Variants in MECOM observed in about 807,000 individuals in gnomAD.
MECOM encodes the protein histone-lysine N-methyltransferase MECOM.
In MECOM, 13 loss-of-function variants were observed where a neutral mutation model predicts 116.3. The ratio of observed to expected loss-of-function variants is 0.11; its 90% CI spans 0.07 to 0.18. The LOEUF (loss-of-function observed/expected upper bound fraction) is 0.18, where lower values mean the gene tolerates loss of function less well. Ranked by LOEUF, MECOM falls within the 10% of genes least tolerant of loss-of-function variation. MECOM has a pLI of 1.00. For synonymous variants in MECOM, 528 were observed against 535.2 expected (o/e 0.99, Z 0.19); for missense variants, 1,299 against 1,509.0 (o/e 0.86, Z 2.31).
chr3:169,158,715 T>G (rs753312560), intron 2 of MECOM, among the ~76,000 whole-genome samples: 7 of 152,208 alleles, frequency 4.6e-5, no homozygotes, highest in Non-Finnish European at 7.4e-5. Flanking sequence ...TACTTGATTT[T>G]CAATTACCTG....
At chr3:169,590,640 C>A (rs1577019737) in intron 1 of MECOM, among the ~76,000 whole-genome samples, 1 of 152,204 alleles carries the variant, frequency 6.6e-6, no homozygotes, top group Non-Finnish European at 1.5e-5. Context: ...TTTCATTTAA[C>A]CTTCTCAACA....
At chr3:169,351,056 C>G (rs976845184) in intron 2 of MECOM, among the ~76,000 whole-genome samples, 1 of 151,706 alleles carries the variant, frequency 6.6e-6, no homozygotes, top group African/African-American at 2.4e-5. Context: ...CTAACTAATC[C>G]GATTTACATT....
chr3:169,514,976 A>G (rs1017448494), intron 1 of MECOM, among the ~76,000 whole-genome samples: 2 of 152,246 alleles, frequency 1.3e-5, no homozygotes, highest in African/African-American at 4.8e-5. Context: ...CGGTAGACAC[A>G]GTACTGGATA....
intron 1 of MECOM, chr3:169,463,981 T>C (rs1747869622): frequency 6.6e-6 from 1 of 152,164 alleles, no homozygotes; most frequent in Non-Finnish European, 1.5e-5. Context: ...TCCTCCTTAA[T>C]CTGCGAAGTT....
chr3:169,486,230 C>T (rs1752372014), intron 1 of MECOM, among the ~76,000 whole-genome samples: 1 of 151,480 alleles, frequency 6.6e-6, no homozygotes, highest in Admixed American at 6.6e-5. Context: ...CACTTCTCCA[C>T]AATGCCTAAG....
intron 2 of MECOM, among the ~76,000 whole-genome samples, chr3:169,212,636 GTATA>G (rs61115570): frequency 0.014 from 354 of 25,826 alleles, 1 homozygote; most frequent in Admixed American, 0.025. Flanking sequence ...AGTCAGCAAT[GTATA>G]TATATATATA....
chr3:169,196,727 A>T (rs1380461563), intron 2 of MECOM, among the ~76,000 whole-genome samples: 1 of 152,094 alleles, frequency 6.6e-6, no homozygotes, highest in African/African-American at 2.4e-5. Flanking sequence ...AATCCAAATT[A>T]GTTCAGCCAT....
intron 1 of MECOM, among the ~76,000 whole-genome samples, chr3:169,584,531 C>T (rs935003719): frequency 6.8e-6 from 1 of 146,364 alleles, no homozygotes; most frequent in African/African-American, 2.6e-5. Flanking sequence ...CGCCGCTGCA[C>T]TCCAGCCTGG....
rs916790905 is a variant in MECOM at position 169,504,110 on chromosome 3, A to T, written c.38-122586T>A. Among the ~76,000 whole-genome samples the T allele has an allele frequency of 6.0e-5, 9 of 151,056 alleles. No individual in the cohort carries two copies. The South Asian group carries it at 1.7e-3, about 28-fold the overall frequency. On this transcript the variant is annotated intron_variant, in intron 1 of 16. Coordinates refer to ENST00000651503, the MANE Select transcript of MECOM (RefSeq NM_004991.4). ...ACACTTTGTTCAAGATGTCTCAGGG[A>T]AAAGGTGACTTCTGCTCTCAAAAAA...
At chr3:169,189,425 G>A (rs1175896069) in intron 2 of MECOM, among the ~76,000 whole-genome samples, 1 of 151,924 alleles carries the variant, frequency 6.6e-6, no homozygotes, top group South Asian at 2.1e-4. Flanking sequence ...ATCCTTTGGG[G>A]CTCTGCTGTA....
chr3:169,086,573 A>G (rs1183508236), intron 16 of MECOM: 7 of 701,498 alleles, frequency 1.0e-5, no homozygotes, highest in East Asian at 2.7e-5. Context: ...CTCCTATAAA[A>G]CAGATGATAG....
intron 1 of MECOM, among the ~76,000 whole-genome samples, chr3:169,452,200 A>C (rs1445446577): frequency 5.3e-5 from 8 of 152,052 alleles, no homozygotes; most frequent in Non-Finnish European, 1.2e-4. Context: ...AGCTTGGTAG[A>C]CTGGCAGAGC....
chr3:169,644,314 T>G (rs6444871), intron 1 of MECOM, among the ~76,000 whole-genome samples: 27,291 of 151,874 alleles, frequency 0.18, 6,352 homozygotes, highest in African/African-American at 0.54. Flanking sequence ...TGGAGGGCAG[T>G]GGTACAATCT....
intron 2 of MECOM, among the ~76,000 whole-genome samples, chr3:169,221,727 T>C (rs1006916649): frequency 2.0e-5 from 3 of 152,038 alleles, no homozygotes; most frequent in African/African-American, 4.8e-5. Context: ...ACTGGTAAAA[T>C]AGAAAAAAAA....
chr3:169,251,733 G>A (rs573419216), intron 2 of MECOM, among the ~76,000 whole-genome samples: 4 of 152,136 alleles, frequency 2.6e-5, no homozygotes, highest in Non-Finnish European at 5.9e-5. Context: ...TGGAATATGT[G>A]TATAATTAAA....
intron 2 of MECOM, among the ~76,000 whole-genome samples, chr3:169,247,476 G>T (rs1465880998): frequency 6.6e-6 from 1 of 152,096 alleles, no homozygotes; most frequent in Non-Finnish European, 1.5e-5. Context: ...GGCTAATTTT[G>T]TATTTTTAGT....
intron 2 of MECOM, among the ~76,000 whole-genome samples, chr3:169,294,706 A>G (rs541984293): frequency 2.2e-4 from 34 of 152,300 alleles, no homozygotes; most frequent in Non-Finnish European, 4.7e-4. Flanking sequence ...TTATTGGACA[A>G]TGATGAATCT....
chr3:169,537,948 A>T (rs1361444387), intron 1 of MECOM, among the ~76,000 whole-genome samples: 3 of 152,136 alleles, frequency 2.0e-5, no homozygotes, highest in African/African-American at 7.2e-5. Context: ...TAGAAGTATA[A>T]CCTGTTGGAG....
At chr3:169,575,881 A>G (rs776487061) in intron 1 of MECOM, among the ~76,000 whole-genome samples, 1 of 151,988 alleles carries the variant, frequency 6.6e-6, no homozygotes, top group African/African-American at 2.4e-5. Flanking sequence ...TAAAAAAAAA[A>G]CAAAACAAAA....
Sources: gnomAD v4.1 joint callset for allele counts (sites outside exome capture counted in the v4.1 genomes callset) on GRCh38, gnomAD v4.1.1 for gene constraint, MANE v1.5 for transcripts, NCBI Gene and HGNC (gene_info 2026-07-23, HGNC 2026-07-21) for gene names.